Variants in CDCA8 observed in about 807,000 individuals in gnomAD.
CDCA8 encodes cell division cycle associated 8, also known as borealin.
Under a neutral mutation model 40.0 loss-of-function variants are expected in CDCA8, and 25 were observed. The ratio of observed to expected loss-of-function variants is 0.63; its 90% CI spans 0.46 to 0.87. The LOEUF (loss-of-function observed/expected upper bound fraction) is 0.87, where lower values mean the gene tolerates loss of function less well. Ranked by LOEUF, CDCA8 falls within the 40% of genes least tolerant of loss-of-function variation. CDCA8 has a pLI of 0.00. For missense variants in CDCA8, 280 were observed against 348.4 expected (o/e 0.80, Z 1.56); for synonymous variants, 111 against 126.5 (o/e 0.88, Z 0.82).
At chr1:37,693,679 G>A (rs1046007698) in intron 2 of CDCA8, among the ~76,000 whole-genome samples, 4 of 152,134 alleles carry the variant, frequency 2.6e-5, no homozygotes, top group Non-Finnish European at 4.4e-5. Flanking sequence ...GATTACAGGA[G>A]TCAGCCACTG....
At chr1:37,705,235 T>G (rs1257702616) in intron 7 of CDCA8, among the ~76,000 whole-genome samples, 1 of 152,230 alleles carries the variant, frequency 6.6e-6, no homozygotes, top group Non-Finnish European at 1.5e-5. Flanking sequence ...GTAAGATGTA[T>G]GTTCAATAAT....
At chr1:37,701,851 G>T (rs758468425) in intron 6 of CDCA8, 33 bp downstream of exon 6, 2 of 1,540,364 alleles carry the variant, frequency 1.3e-6, no homozygotes, top group Admixed American at 3.4e-5. Flanking sequence ...GGTGTTTTGG[G>T]TTTTATTGGA....
intron 7 of CDCA8, among the ~76,000 whole-genome samples, chr1:37,704,492 A>C (rs561669415): frequency 6.6e-6 from 1 of 152,294 alleles, no homozygotes; most frequent in Middle Eastern, 3.4e-3. Flanking sequence ...GTGCTGTATG[A>C]TCCCATTTGG....
chr1:37,705,645 G>A (rs958356081), intron 8 of CDCA8, 78 bp downstream of exon 8: 57 of 1,548,456 alleles, frequency 3.7e-5, no homozygotes, highest in Middle Eastern at 4.7e-4. Flanking sequence ...CCTCACCCAC[G>A]CTTCACCCTC....
At position 37,695,923 on chromosome 1, in the gene CDCA8, C is replaced by G; in HGVS notation, c.237C>G (p.Asn79Lys). 6.2e-7 allele frequency: 1 copy of G among 1,613,908 alleles called. No individual in the cohort carries two copies. The highest frequency in any genetic ancestry group is 8.5e-7 in the Non-Finnish European group (1 of 1,179,840). Reference protein sequence around the residue: ...NWLDYFALGGNKQALEEAATA... With the variant: ...NWLDYFALGGKKQALEEAATA... ...TTCTTTTTAAAGCCCTTGGAGGAAA[C>G]AAACAGGCCCTGGAAGAGGCGGCAA... The change falls in exon 3 of 10, where the codon AAC becomes AAG. Residue 79 changes from asparagine (N) to lysine (K), a missense_variant. Physicochemically the swap from Asn to Lys is moderately conservative, Grantham distance 94. Coordinates refer to ENST00000373055, the MANE Select transcript of CDCA8 (RefSeq NM_001256875.2).
At chr1:37,695,693 G>C (rs1243542298) in intron 2 of CDCA8, among the ~76,000 whole-genome samples, 1 of 152,192 alleles carries the variant, frequency 6.6e-6, no homozygotes, top group African/African-American at 2.4e-5. Flanking sequence ...AAGTACGGAG[G>C]TGAATTTCAG....
At chr1:37,705,862 T>C (rs556459963) in intron 8 of CDCA8, among the ~76,000 whole-genome samples, 5 of 140,956 alleles carry the variant, frequency 3.5e-5, no homozygotes, top group African/African-American at 1.4e-4. Context: ...CAGGCGGGAG[T>C]GCAGTGGTGC....
Position 37,698,931 on chromosome 1 carries a change from C to T in CDCA8, c.291C>T (p.Asn97=), listed in dbSNP as rs1172394163. 6.2e-7 allele frequency: 1 copy of T among 1,613,804 alleles called. No individual in the cohort carries two copies. The highest frequency in any genetic ancestry group is 1.7e-5 in the Admixed American group (1 of 60,014). ...ATADLDITEI[N]KLTAEAIQTP... The stretch of plus-strand genomic sequence containing the variant: ...CTGACCTGGATATCACCGAAATAAA[C>T]AAACTAACAGCAGAAGCTATTCAGA... The change falls in exon 4 of 10, where the codon AAC becomes AAT. Residue 97 remains asparagine, a synonymous_variant. Coordinates refer to ENST00000373055, the MANE Select transcript of CDCA8 (RefSeq NM_001256875.2).
rs1645606133 is a variant in CDCA8, at chr1:37,706,966, C to CT, written c.712-9dup. ...GCCATGGCCAGTTTAACCCACTCCCCTTTCTATTCAGAGCCTGCGATTATT... is the reference window on the plus strand; with the variant it reads ...GCCATGGCCAGTTTAACCCACTCCCCTTTTCTATTCAGAGCCTGCGATTATT... On this transcript the variant is annotated splice_polypyrimidine_tract_variant and intron_variant, in intron 8 of 9. Coordinates refer to ENST00000373055, the MANE Select transcript of CDCA8 (RefSeq NM_001256875.2). 1 of 1,612,270 alleles carries CT rather than the reference C, an allele frequency of 6.2e-7. No individual in the cohort carries two copies. Among genetic ancestry groups the CT allele is most frequent in the African/African-American group, 1.3e-5 (1 of 74,910 alleles).
At position 37,705,500 on chromosome 1, in the gene CDCA8, C is replaced by A; in HGVS notation, c.644C>A (p.Ser215Ter). The A allele has an allele frequency of 6.2e-7, 1 of 1,613,982 alleles. No individual in the cohort carries two copies. Among genetic ancestry groups the A allele is most frequent in the Non-Finnish European group, 8.5e-7 (1 of 1,180,018 alleles). The change falls in exon 8 of 10, where the codon TCA becomes TAA. Residue 215 changes from serine (S) to a stop codon, truncating the protein, a stop_gained. Transcript: ENST00000373055. LOFTEE classifies it high-confidence loss of function. ...GCAGGAGAGCGGATTTACAACATCT[C>A]AGGGAATGGCAGCCCTCTTGCTGAC... ...PAAGERIYNI[S>*]GNGSPLADSK...
chr1:37,703,389 C>T, intron 7 of CDCA8, 42 bp downstream of exon 7: 2 of 1,339,288 alleles, frequency 1.5e-6, no homozygotes, highest in East Asian at 2.3e-5. Flanking sequence ...GGGACTCCAA[C>T]ATTGAGCACT....
chr1:37,698,966 A>T lies in CDCA8; in HGVS notation c.326A>T (p.Lys109Ile). The T allele has an allele frequency of 3.7e-6, 6 of 1,612,134 alleles. No individual in the cohort carries two copies. The highest frequency in any genetic ancestry group is 5.1e-6 in the Non-Finnish European group (6 of 1,178,174). ...GCAGAAGCTATTCAGACACCCCTGA[A>T]ATCTGCCAAAAGTGAGTACCTTTCA... Reference protein sequence around the residue: ...LTAEAIQTPLKSAKTRKVIQV... With the variant: ...LTAEAIQTPLISAKTRKVIQV... The change falls in exon 4 of 10, where the codon AAA becomes ATA. Residue 109 changes from lysine to isoleucine, a missense_variant. Lys to Ile is a moderately radical substitution (Grantham distance 102). Transcript: ENST00000373055.
chr1:37,703,687 G>C (rs1645580204), intron 7 of CDCA8, among the ~76,000 whole-genome samples: 1 of 152,224 alleles, frequency 6.6e-6, no homozygotes, highest in Non-Finnish European at 1.5e-5. Context: ...CTGCACTCCA[G>C]CCTGGGCAAC....
intron 5 of CDCA8, 82 bp from the exon 6 acceptor site, chr1:37,701,672 T>TAAA (rs1230072310): frequency 6.3e-6 from 5 of 798,934 alleles, no homozygotes; most frequent in African/African-American, 4.5e-5. Flanking sequence ...TCTTAATGCT[T>TAAA]TAAAAAAAAA....
chr1:37,701,225 G>GCTCC (rs992001675), intron 5 of CDCA8, among the ~76,000 whole-genome samples: 3 of 152,192 alleles, frequency 2.0e-5, no homozygotes, highest in African/African-American at 7.2e-5. Flanking sequence ...AGAGCAGGAA[G>GCTCC]GGAGGGAGTC....
intron 3 of CDCA8, among the ~76,000 whole-genome samples, chr1:37,698,585 C>T (rs757454050): frequency 2.0e-5 from 3 of 152,168 alleles, no homozygotes; most frequent in Non-Finnish European, 4.4e-5. Flanking sequence ...AGCACATACA[C>T]ATGTACCTTT....
In CDCA8 at chr1:37,701,824, G is replaced by C; in HGVS notation, c.488+6G>C. 2 of 1,609,680 alleles carry C rather than the reference G, an allele frequency of 1.2e-6. No individual in the cohort carries two copies. The highest frequency in any genetic ancestry group is 2.2e-5 in the East Asian group (1 of 44,826). Reference sequence around the variant, plus strand: ...GGAAAAGGAAAAGGGAAAAGGTAGTGGATTTTCTAAAGTTGTGGTGTTTTG... The same window carrying C: ...GGAAAAGGAAAAGGGAAAAGGTAGTCGATTTTCTAAAGTTGTGGTGTTTTG... On this transcript the variant is annotated splice_donor_region_variant and intron_variant, in intron 6 of 9. Coordinates refer to ENST00000373055, the MANE Select transcript of CDCA8 (RefSeq NM_001256875.2).
chr1:37,695,671 T>C (rs928379919), intron 2 of CDCA8, among the ~76,000 whole-genome samples: 3 of 152,176 alleles, frequency 2.0e-5, no homozygotes, highest in Admixed American at 6.5e-5. Context: ...AAGGATGAGT[T>C]AGAAATTTGT....
At position 37,708,368 on chromosome 1, in the gene CDCA8, AC is replaced by A. The variant is rs1645617288; in HGVS notation, c.*3del. On this transcript the variant is annotated 3_prime_UTR_variant, in exon 10 of 10. Coordinates refer to ENST00000373055, the MANE Select transcript of CDCA8 (RefSeq NM_001256875.2). Reference sequence around the variant, plus strand: ...AGCAGCATACGGACCCACAAATGAGACACCAAAGTTGACAGGATGGACTTTT... The same window carrying A: ...AGCAGCATACGGACCCACAAATGAGAACCAAAGTTGACAGGATGGACTTTT... 6.2e-7 allele frequency: 1 copy of A among 1,613,928 alleles called. No homozygotes were observed. The highest frequency in any genetic ancestry group is 1.7e-5 in the Admixed American group (1 of 60,000).
Sources: gnomAD v4.1 joint callset for allele counts (sites outside exome capture counted in the v4.1 genomes callset) on GRCh38, gnomAD v4.1.1 for gene constraint, MANE v1.5 for transcripts, NCBI Gene and HGNC (gene_info 2026-07-23, HGNC 2026-07-21) for gene names.